Variants in MB21D2 observed in about 807,000 individuals in gnomAD.
MB21D2 encodes the protein Mab-21 domain containing 2, also known as nucleotidyltransferase MB21D2.
MB21D2 carries 9 observed loss-of-function variants against 33.3 expected under a neutral mutation model. The observed-to-expected ratio is 0.27, with a 90% CI of 0.16 to 0.47. MB21D2 has a LOEUF of 0.47. Ranked by LOEUF, MB21D2 falls within the 20% of genes least tolerant of loss-of-function variation. The pLI is 0.99. For synonymous variants in MB21D2, 241 were observed against 236.3 expected (o/e 1.02, Z -0.18); for missense variants, 540 against 624.6 (o/e 0.86, Z 1.44).
chr3:192,821,440 G>T (rs765386484), intron 1 of MB21D2, among the ~76,000 whole-genome samples: 5 of 152,052 alleles, frequency 3.3e-5, no homozygotes, highest in African/African-American at 1.2e-4. Context: ...CTGGGAGACC[G>T]CAGAGCACCT....
In MB21D2 at chr3:192,851,668, T is replaced by C. The variant is rs546905640; in HGVS notation, c.212-52018A>G. ...CACCGCCATATCCCGCTAATTTTTG[T>C]ATTTTTTTTTTAGTAAAGACAGGGT... On this transcript the variant is annotated intron_variant, in intron 1 of 1. Transcript: ENST00000392452. 8.6e-5 allele frequency among the ~76,000 whole-genome samples: 8 copies of C among 92,796 alleles called. No individual in the cohort carries two copies. The East Asian group carries it at 3.7e-3, about 43-fold the overall frequency. The allele number at this position is 92,796 out of a possible 152,430, so 60.9% of individuals were successfully genotyped here. A position where few individuals can be genotyped will look rare whatever the true frequency, so the allele number is the denominator to read the frequency against.
At chr3:192,826,895 CT>C (rs928013428) in intron 1 of MB21D2, among the ~76,000 whole-genome samples, 392 of 143,846 alleles carry the variant, frequency 2.7e-3, no homozygotes, top group Middle Eastern at 3.6e-3. Flanking sequence ...CCCTTTCCTT[CT>C]TTTTTTTTTT....
At chr3:192,805,041 G>A (rs189195680) in intron 1 of MB21D2, among the ~76,000 whole-genome samples, 161 of 152,292 alleles carry the variant, frequency 1.1e-3, no homozygotes, top group Non-Finnish European at 2.0e-3. Flanking sequence ...GGGGTCATAC[G>A]GCCTTAGTGA....
chr3:192,838,955 A>G (rs1712510934), intron 1 of MB21D2, among the ~76,000 whole-genome samples: 1 of 152,172 alleles, frequency 6.6e-6, no homozygotes. Flanking sequence ...TAGTGTACTG[A>G]GTTACAAGTC....
chr3:192,856,444 A>G (rs913144073), intron 1 of MB21D2, among the ~76,000 whole-genome samples: 20 of 152,248 alleles, frequency 1.3e-4, no homozygotes, highest in Admixed American at 1.1e-3. Context: ...AAATTAGGCA[A>G]TAAGCACCAG....
intron 1 of MB21D2, among the ~76,000 whole-genome samples, chr3:192,819,621 C>T (rs569280628): frequency 4.5e-4 from 68 of 152,296 alleles, no homozygotes; most frequent in Non-Finnish European, 5.7e-4. Flanking sequence ...TGCATCATAT[C>T]AAGCTGCCTA....
chr3:192,860,379 T>A (rs1380841150), intron 1 of MB21D2, among the ~76,000 whole-genome samples: 1 of 152,244 alleles, frequency 6.6e-6, no homozygotes, highest in Non-Finnish European at 1.5e-5. Context: ...TATTTCTTTA[T>A]CTATTTATTT....
At chr3:192,901,692 G>A (rs7621610) in intron 1 of MB21D2, among the ~76,000 whole-genome samples, 80,479 of 151,960 alleles carry the variant, frequency 0.53, 21,511 homozygotes, top group Non-Finnish European at 0.54. Flanking sequence ...TCACTATAAG[G>A]GTCACTCACA....
chr3:192,917,489 AAC>A, intron 1 of MB21D2, 139 bp downstream of exon 1: 1 of 748,812 alleles, frequency 1.3e-6, no homozygotes, highest in Non-Finnish European at 2.2e-6. Flanking sequence ...AGAGAGGCGG[AAC>A]AGAGATGGCT....
chr3:192,910,247 C>T (rs765352210), intron 1 of MB21D2, among the ~76,000 whole-genome samples: 1 of 144,006 alleles, frequency 6.9e-6, no homozygotes, highest in Non-Finnish European at 1.5e-5. Flanking sequence ...GGGAGAATCA[C>T]TTGAGCCCAA....
chr3:192,849,674 T>TAC (rs1429947564), intron 1 of MB21D2, among the ~76,000 whole-genome samples: 3 of 152,228 alleles, frequency 2.0e-5, no homozygotes, highest in African/African-American at 7.2e-5. Context: ...TACTTTGCTC[T>TAC]ACTTCAACCT....
At chr3:192,828,497 T>C (rs1490729429) in intron 1 of MB21D2, among the ~76,000 whole-genome samples, 3 of 150,186 alleles carry the variant, frequency 2.0e-5, no homozygotes, top group South Asian at 2.1e-4. Context: ...GCCTGTTTTC[T>C]CATTTGGAAA....
chr3:192,917,339 G>C (rs999063906), intron 1 of MB21D2, among the ~76,000 whole-genome samples: 1 of 152,208 alleles, frequency 6.6e-6, no homozygotes, highest in Non-Finnish European at 1.5e-5. Context: ...ACGCTTCACC[G>C]CGAACGCCTC....
chr3:192,894,063 CTT>C (rs895988823), intron 1 of MB21D2, among the ~76,000 whole-genome samples: 14 of 152,158 alleles, frequency 9.2e-5, no homozygotes, highest in East Asian at 1.9e-4. Flanking sequence ...AAGAGCCACT[CTT>C]GTTTTCCCAT....
chr3:192,803,624 G>A (rs888516904), intron 1 of MB21D2, among the ~76,000 whole-genome samples: 13 of 152,202 alleles, frequency 8.5e-5, no homozygotes, highest in Admixed American at 5.2e-4. Flanking sequence ...AAGTTTAAGT[G>A]AAAATGAGCT....
chr3:192,900,739 G>C (rs2367135), intron 1 of MB21D2, among the ~76,000 whole-genome samples: 1 of 151,460 alleles, frequency 6.6e-6, no homozygotes, highest in Admixed American at 6.6e-5. Flanking sequence ...TCAGGAGTTC[G>C]AGACAAGCCT....
At chr3:192,910,812 G>T (rs748033004) in intron 1 of MB21D2, among the ~76,000 whole-genome samples, 1 of 152,120 alleles carries the variant, frequency 6.6e-6, no homozygotes, top group African/African-American at 2.4e-5. Flanking sequence ...TTCTATCATT[G>T]GAAAACGGGC....
intron 1 of MB21D2, among the ~76,000 whole-genome samples, chr3:192,803,133 CA>C (rs1711590600): frequency 6.6e-6 from 1 of 152,186 alleles, no homozygotes; most frequent in Non-Finnish European, 1.5e-5. Flanking sequence ...TTGGGTAAGC[CA>C]TAGCTAAAAC....
At chr3:192,803,663 C>T (rs2108609107) in intron 1 of MB21D2, among the ~76,000 whole-genome samples, 1 of 152,254 alleles carries the variant, frequency 6.6e-6, no homozygotes, top group East Asian at 1.9e-4. Flanking sequence ...AGATGGGTTG[C>T]CATGCAACCA....
Sources: allele counts gnomAD v4.1 joint callset (sites outside exome capture counted in the v4.1 genomes callset), GRCh38; gene constraint gnomAD v4.1.1; transcripts MANE v1.5; gene names NCBI Gene and HGNC (gene_info 2026-07-23, HGNC 2026-07-21).